The following C8orf34 variants were observed in gnomAD, a reference collection of about 807,000 sequenced individuals.
C8orf34 encodes the protein chromosome 8 open reading frame 34.
A neutral mutation model predicts 68.3 loss-of-function variants in C8orf34; 65 were observed. The observed-to-expected ratio is 0.95, with a 90% CI of 0.78 to 1.17. The LOEUF (loss-of-function observed/expected upper bound fraction) is 1.17. Ranked by LOEUF, C8orf34 falls within the 50% of genes most tolerant of loss-of-function variation. C8orf34 has a pLI of 0.00. For synonymous variants in C8orf34, 244 were observed against 241.2 expected (o/e 1.01, Z -0.11); for missense variants, 664 against 655.4 (o/e 1.01, Z -0.14).
At chr8:68,492,441 C>G (rs1445535983) in intron 5 of C8orf34, among the ~76,000 whole-genome samples, 4 of 151,962 alleles carry the variant, frequency 2.6e-5, no homozygotes, top group Non-Finnish European at 4.4e-5. Flanking sequence ...GTTGCTCAAG[C>G]TTGTCTCAAA....
intron 8 of C8orf34, among the ~76,000 whole-genome samples, chr8:68,679,603 C>T (rs1192175605): frequency 1.3e-5 from 2 of 151,972 alleles, no homozygotes; most frequent in African/African-American, 4.8e-5. Flanking sequence ...ACAAAAGACC[C>T]AGAATAGCCA....
At chr8:68,647,431 T>C (rs1370554804) in intron 8 of C8orf34, among the ~76,000 whole-genome samples, 1 of 152,168 alleles carries the variant, frequency 6.6e-6, no homozygotes, top group Admixed American at 6.5e-5. Flanking sequence ...GTTCCAGCAA[T>C]CCCACTTCTG....
At position 68,484,077 on chromosome 8, in the gene C8orf34, C is replaced by G. The variant is rs59271307; in HGVS notation, c.737-3946C>G. Among the ~76,000 whole-genome samples, 1,283 of 152,250 alleles carry G rather than the reference C, an allele frequency of 8.4e-3. 19 individuals carry two copies. The highest frequency in any genetic ancestry group is 0.027 in the African/African-American group (1,126 of 41,532). Reference sequence around the variant, plus strand: ...ACAGGAAGCATAAAACCAGCATCTGCCTTTGGGGAGGCCTCTGGAGGCTTA... The same window carrying G: ...ACAGGAAGCATAAAACCAGCATCTGGCTTTGGGGAGGCCTCTGGAGGCTTA... On this transcript the variant is annotated intron_variant, in intron 4 of 13. Coordinates refer to ENST00000518698, the MANE Select transcript of C8orf34 (RefSeq NM_052958.4).
At chr8:68,588,963 T>C (rs1817287093) in intron 7 of C8orf34, among the ~76,000 whole-genome samples, 1 of 152,122 alleles carries the variant, frequency 6.6e-6, no homozygotes, top group African/African-American at 2.4e-5. Context: ...AGTATGTAAA[T>C]GAGTGGGTGT....
chr8:68,348,595 G>A (rs112392473), intron 1 of C8orf34, among the ~76,000 whole-genome samples: 1 of 152,076 alleles, frequency 6.6e-6, no homozygotes, highest in African/African-American at 2.4e-5. Context: ...CTATCCATGA[G>A]CATGGGATGT....
chr8:68,625,649 G>T, intron 7 of C8orf34: 1 of 701,426 alleles, frequency 1.4e-6, no homozygotes. Context: ...TCTCAGCGGT[G>T]GGAAAGGTAT....
At chr8:68,331,418 C>T in intron 1 of C8orf34, 79 bp downstream of exon 1, 1 of 1,416,436 alleles carries the variant, frequency 7.1e-7, no homozygotes, top group Non-Finnish European at 9.6e-7. Flanking sequence ...ACTCCCAATC[C>T]CACCCCTCCC....
chr8:68,774,976 G>A (rs181483208), intron 10 of C8orf34, among the ~76,000 whole-genome samples: 1 of 96,870 alleles, frequency 1.0e-5, no homozygotes, highest in African/African-American at 5.2e-5. Flanking sequence ...AATTAGCTGG[G>A]CGGGGTGGCA....
chr8:68,492,799 C>A (rs1010670409), intron 5 of C8orf34, among the ~76,000 whole-genome samples: 1 of 151,990 alleles, frequency 6.6e-6, no homozygotes. Context: ...CACCGAGATC[C>A]TTTAGCGAGC....
chr8:68,621,248 T>TTG (rs148779211), intron 7 of C8orf34, among the ~76,000 whole-genome samples: 15 of 151,884 alleles, frequency 9.9e-5, no homozygotes, highest in South Asian at 2.1e-4. Context: ...CCAGCAGTCT[T>TTG]TGTGTGTGTG....
chr8:68,484,931 A>G (rs1813011535), intron 4 of C8orf34, among the ~76,000 whole-genome samples: 1 of 152,254 alleles, frequency 6.6e-6, no homozygotes, highest in Non-Finnish European at 1.5e-5. Flanking sequence ...AATTTTAAGA[A>G]AATATGATAA....
intron 1 of C8orf34, 167 bp downstream of exon 1, chr8:68,331,506 G>T (rs1403715111): frequency 3.8e-6 from 3 of 794,088 alleles, no homozygotes; most frequent in South Asian, 1.6e-5. Flanking sequence ...TCCCGGCCAG[G>T]TGTCCTGGAA....
intron 10 of C8orf34, among the ~76,000 whole-genome samples, chr8:68,725,261 A>T (rs998328670): frequency 6.6e-6 from 1 of 152,210 alleles, no homozygotes; most frequent in Non-Finnish European, 1.5e-5. Flanking sequence ...TAAATGTCTT[A>T]CTGACTTTTT....
chr8:68,680,318 A>G (rs1475387303), intron 8 of C8orf34, among the ~76,000 whole-genome samples: 1 of 152,224 alleles, frequency 6.6e-6, no homozygotes, highest in Non-Finnish European at 1.5e-5. Context: ...AAAAGTGCTT[A>G]ACAACACTGA....
intron 7 of C8orf34, among the ~76,000 whole-genome samples, chr8:68,537,694 C>G (rs1318430213): frequency 2.0e-5 from 3 of 151,938 alleles, no homozygotes; most frequent in Non-Finnish European, 4.4e-5. Context: ...AGGATTCTTT[C>G]TTTGCTTTTG....
intron 8 of C8orf34, among the ~76,000 whole-genome samples, chr8:68,669,730 T>A (rs1225667375): frequency 6.6e-6 from 1 of 152,136 alleles, no homozygotes; most frequent in African/African-American, 2.4e-5. Flanking sequence ...TCCAGTCCAA[T>A]CAGCTGGTCT....
At chr8:68,788,276 G>A (rs1201913364) in intron 12 of C8orf34, among the ~76,000 whole-genome samples, 1 of 152,188 alleles carries the variant, frequency 6.6e-6, no homozygotes, top group Non-Finnish European at 1.5e-5. Flanking sequence ...CCATAACCAT[G>A]AGAAATACTG....
chr8:68,529,951 TC>T (rs1254919985), intron 6 of C8orf34, among the ~76,000 whole-genome samples: 2 of 152,046 alleles, frequency 1.3e-5, no homozygotes, highest in African/African-American at 4.8e-5. Flanking sequence ...AACATCTGCT[TC>T]AAACAGTTAT....
chr8:68,373,287 T>A (rs1044709248), intron 1 of C8orf34, among the ~76,000 whole-genome samples: 6 of 152,062 alleles, frequency 3.9e-5, no homozygotes, highest in Non-Finnish European at 8.8e-5. Context: ...GAGCCATTGC[T>A]CCTGGCCAGA....
Sources: gnomAD v4.1 joint callset for allele counts (sites outside exome capture counted in the v4.1 genomes callset) on GRCh38, gnomAD v4.1.1 for gene constraint, MANE v1.5 for transcripts, NCBI Gene and HGNC (gene_info 2026-07-23, HGNC 2026-07-21) for gene names.